Variants in TWIST2 observed in about 807,000 individuals in gnomAD.
TWIST2 encodes twist-related protein 2.
A neutral mutation model predicts 11.6 loss-of-function variants in TWIST2; 1 was observed. The ratio of observed to expected loss-of-function variants is 0.09; its 90% CI spans 0.03 to 0.41. TWIST2 has a LOEUF of 0.41. TWIST2 is among the 10% of genes least tolerant of loss of function. The pLI is 0.98. For missense variants in TWIST2, 168 were observed against 226.4 expected (o/e 0.74, Z 1.66); for synonymous variants, 87 against 96.6 (o/e 0.90, Z 0.58).
chr2:238,893,386 T>C (rs886077080), intron 1 of TWIST2, among the ~76,000 whole-genome samples: 4 of 152,192 alleles, frequency 2.6e-5, no homozygotes, highest in Non-Finnish European at 5.9e-5. Flanking sequence ...CAGCGTTGTT[T>C]AATTATTCAG....
chr2:238,888,697 A>C (rs1269332560), intron 1 of TWIST2, among the ~76,000 whole-genome samples: 1 of 152,222 alleles, frequency 6.6e-6, no homozygotes. Context: ...TGTAGCAAGC[A>C]TTTGGAGACT....
At chr2:238,871,652 C>G (rs1304088321) in intron 1 of TWIST2, among the ~76,000 whole-genome samples, 2 of 74,122 alleles carry the variant, frequency 2.7e-5, no homozygotes, top group Non-Finnish European at 5.9e-5. Context: ...CACAAACACC[C>G]CCCCCACACA....
At chr2:238,868,803 G>A (rs1363515213) in intron 1 of TWIST2, among the ~76,000 whole-genome samples, 1 of 152,246 alleles carries the variant, frequency 6.6e-6, no homozygotes, top group Non-Finnish European at 1.5e-5. Context: ...CGGGACACAA[G>A]CCCACGGCTC....
intron 1 of TWIST2, among the ~76,000 whole-genome samples, chr2:238,861,988 G>A (rs144295874): frequency 6.6e-6 from 1 of 152,176 alleles, no homozygotes; most frequent in Non-Finnish European, 1.5e-5. Flanking sequence ...GTGGATAAGG[G>A]GGCCTACTAT....
At chr2:238,908,861 A>AG (rs1229106058) in intron 1 of TWIST2, among the ~76,000 whole-genome samples, 147,852 of 148,942 alleles carry the variant, frequency 0.99, 73,381 homozygotes, top group Admixed American at 0.99. Context: ...TGTGTGTGGG[A>AG]GGGTGTGGTG....
At chr2:238,907,161 G>A (rs966405294) in intron 1 of TWIST2, among the ~76,000 whole-genome samples, 12 of 152,194 alleles carry the variant, frequency 7.9e-5, no homozygotes, top group Non-Finnish European at 1.6e-4. Context: ...CCTGAGGCGC[G>A]GCGCGGGGCC....
chr2:238,873,735 C>T (rs1395529009), intron 1 of TWIST2, among the ~76,000 whole-genome samples: 1 of 152,190 alleles, frequency 6.6e-6, no homozygotes, highest in Non-Finnish European at 1.5e-5. Context: ...GGCCGAGAGT[C>T]ACGCTGGTCT....
intron 1 of TWIST2, among the ~76,000 whole-genome samples, chr2:238,859,392 A>C (rs1276946166): frequency 1.3e-5 from 2 of 151,936 alleles, no homozygotes; most frequent in Non-Finnish European, 2.9e-5. Context: ...CTCGGGCTTC[A>C]TGGGAGGGGG....
intron 1 of TWIST2, among the ~76,000 whole-genome samples, chr2:238,905,020 A>G: frequency 6.6e-6 from 1 of 151,138 alleles, no homozygotes; most frequent in Middle Eastern, 3.4e-3. Context: ...GAAGGAAGGA[A>G]GAAAGAAGTA....
chr2:238,856,729 G>A (rs145627817), intron 1 of TWIST2, among the ~76,000 whole-genome samples: 2,680 of 152,142 alleles, frequency 0.018, 79 homozygotes, highest in African/African-American at 0.061. Context: ...GGGAGACCCG[G>A]CACCTCTTCC....
chr2:238,868,362 T>C (rs1225373406), intron 1 of TWIST2, among the ~76,000 whole-genome samples: 2 of 152,080 alleles, frequency 1.3e-5, no homozygotes, highest in African/African-American at 4.8e-5. Flanking sequence ...CGGGCTTCTG[T>C]CCAGATGACA....
At chr2:238,869,593 A>G (rs1574753563) in intron 1 of TWIST2, among the ~76,000 whole-genome samples, 1 of 152,246 alleles carries the variant, frequency 6.6e-6, no homozygotes, top group African/African-American at 2.4e-5. Context: ...CAAGCACATG[A>G]AAAGATGCTT....
rs1405148619 is a variant in TWIST2, at chr2:238,909,951, G to A, written c.*145G>A. ...CCCACCTCTGCCCTCCACCAGCGTC[G>A]AGAGAAGGGACAGCAGTGACATCGG... On this transcript the variant is annotated 3_prime_UTR_variant, in exon 2 of 2. Coordinates refer to ENST00000612363, the MANE Select transcript of TWIST2 (RefSeq NM_001271893.4). 6.6e-6 allele frequency: 1 copy of A among 152,226 alleles called. No homozygotes were observed. The highest frequency in any genetic ancestry group is 6.5e-5 in the Admixed American group (1 of 15,280). 9.4% of individuals were successfully genotyped at this position (152,226 alleles called of 1,614,324 possible).
intron 1 of TWIST2, among the ~76,000 whole-genome samples, chr2:238,878,395 A>G (rs553007938): frequency 2.6e-4 from 40 of 152,314 alleles, no homozygotes; most frequent in Admixed American, 2.2e-3. Context: ...TGGCCACCAG[A>G]GAGTATAAAC....
Position 238,871,696 on chromosome 2 carries a change from C to T in TWIST2, c.*35+22963C>T, listed in dbSNP as rs149069351. Among the ~76,000 whole-genome samples, 672 of 141,518 alleles carry T rather than the reference C, an allele frequency of 4.7e-3. 3 individuals are homozygous for T. The highest frequency in any genetic ancestry group is 0.016 in the African/African-American group (625 of 38,784). 92.8% of individuals were successfully genotyped at this position (141,518 alleles called of 152,430 possible). On this transcript the variant is annotated intron_variant, in intron 1 of 1. Coordinates refer to ENST00000612363, the MANE Select transcript of TWIST2 (RefSeq NM_001271893.4). ...CCCCCCCCCAACACACACACACACA[C>T]GATGGAATGTCATTCTGCCTTTAAA...
intron 1 of TWIST2, among the ~76,000 whole-genome samples, chr2:238,870,449 C>G (rs796070476): frequency 9.5e-5 from 2 of 21,090 alleles, no homozygotes; most frequent in Non-Finnish European, 2.3e-4. Flanking sequence ...ACCACACACC[C>G]CACACACACC....
At chr2:238,880,196 G>A (rs796079106) in intron 1 of TWIST2, among the ~76,000 whole-genome samples, 3 of 123,666 alleles carry the variant, frequency 2.4e-5, no homozygotes, top group African/African-American at 3.2e-5. Flanking sequence ...TATTGGTATT[G>A]GTGTTACTGT....
chr2:238,894,701 G>C (rs1693187388), intron 1 of TWIST2, among the ~76,000 whole-genome samples: 1 of 151,988 alleles, frequency 6.6e-6, no homozygotes, highest in Admixed American at 6.6e-5. Context: ...CTTCCTGGCT[G>C]TGCCTCCCAT....
At chr2:238,896,467 C>T (rs36148288) in intron 1 of TWIST2, among the ~76,000 whole-genome samples, 79,556 of 152,032 alleles carry the variant, frequency 0.52, 21,594 homozygotes, top group East Asian at 0.72. Context: ...GATGGAGGAA[C>T]CTGGGGCACA....
Sources: allele counts gnomAD v4.1 joint callset (sites outside exome capture counted in the v4.1 genomes callset), GRCh38; gene constraint gnomAD v4.1.1; transcripts MANE v1.5; gene names NCBI Gene and HGNC (gene_info 2026-07-23, HGNC 2026-07-21).